Variants in ATF1 observed in about 807,000 individuals in gnomAD.
ATF1 encodes the protein cyclic AMP-dependent transcription factor ATF-1.
In ATF1, 16 loss-of-function variants were observed where a neutral mutation model predicts 34.7. That is an observed-to-expected ratio of 0.46 (90% CI 0.31 to 0.70). The LOEUF is 0.70. Among genes scored for constraint, ATF1 ranks in the 30% least tolerant of loss-of-function variants. The pLI, the probability that ATF1 is intolerant of heterozygous loss-of-function variation, is 0.05. For missense variants in ATF1, 255 were observed against 321.6 expected, an observed-to-expected ratio of 0.79 and a Z score of 1.58; for synonymous variants, 105 against 113.1, an observed-to-expected ratio of 0.93 and a Z score of 0.46.
intron 3 of ATF1, among the ~76,000 whole-genome samples, chr12:50,806,115 A>T (rs1941611181): frequency 6.6e-6 from 1 of 151,462 alleles, no homozygotes; most frequent in South Asian, 2.1e-4. Context: ...TGCACCACTG[A>T]CTCCAGCTTG....
chr12:50,773,444 C>CTTTTTTTTTTTTTTTTTTTTTTTTT (rs71086476), intron 1 of ATF1, among the ~76,000 whole-genome samples: 7 of 89,568 alleles, frequency 7.8e-5, no homozygotes, highest in Non-Finnish European at 1.0e-4. Context: ...AATTGCCATT[C>CTTTTTTTTTTTTTTTTTTTTTTTTT]TTTTTTTTTT....
chr12:50,804,503 A>G (rs1941575810), intron 3 of ATF1, among the ~76,000 whole-genome samples: 1 of 152,172 alleles, frequency 6.6e-6, no homozygotes, highest in South Asian at 2.1e-4. Context: ...AGGGCAACAT[A>G]GTGAGACCCT....
At chr12:50,788,167 TTAAC>T in intron 2 of ATF1, 1 of 447,456 alleles carries the variant, frequency 2.2e-6, no homozygotes, top group Non-Finnish European at 4.5e-6. Context: ...GGAATAAAAA[TTAAC>T]TATTTTATAG....
chr12:50,778,910 G>GC (rs1324996288), intron 1 of ATF1, among the ~76,000 whole-genome samples: 5 of 152,256 alleles, frequency 3.3e-5, no homozygotes, highest in Non-Finnish European at 7.4e-5. Flanking sequence ...TTAAACAGCA[G>GC]CTCTCCATTT....
chr12:50,773,931 G>A lies in ATF1; in HGVS notation c.-6-6209G>A, dbSNP rs147201867. Among the ~76,000 whole-genome samples, 236 of 152,140 alleles carry A rather than the reference G, an allele frequency of 1.6e-3. 4 individuals are homozygous for A. In the East Asian group the frequency reaches 0.04, roughly 26 times the overall value. ...CTGACGTGAGATGGTATCTCATTGC[G>A]GTTTTGATTTACATTTCTCTAATGA... On this transcript the variant is annotated intron_variant, in intron 1 of 6. Coordinates refer to ENST00000262053, the MANE Select transcript of ATF1 (RefSeq NM_005171.5).
intron 1 of ATF1, among the ~76,000 whole-genome samples, chr12:50,764,964 C>T (rs925468720): frequency 5.3e-5 from 8 of 152,222 alleles, no homozygotes; most frequent in African/African-American, 1.9e-4. Flanking sequence ...ATGGGCGACC[C>T]AGCCGAGGGT....
intron 1 of ATF1, among the ~76,000 whole-genome samples, chr12:50,774,756 T>TTC (rs1370856137): frequency 6.6e-6 from 1 of 151,508 alleles, no homozygotes; most frequent in East Asian, 1.9e-4. Flanking sequence ...GTTTTTGTTT[T>TTC]TTTTTTTTTG....
rs890001246 is a variant in ATF1, at chr12:50,805,483, G to C, written c.195-3973G>C. On this transcript the variant is annotated intron_variant, in intron 3 of 6. Coordinates refer to ENST00000262053, the MANE Select transcript of ATF1 (RefSeq NM_005171.5). ...TGAGGTGGGAGGATCACTTGAGCCT[G>C]GGAGATCAAGGCTGCAGTGAGCCGT... Among the ~76,000 whole-genome samples, 3 of 151,164 alleles carry C rather than the reference G, an allele frequency of 2.0e-5. No homozygotes were observed. The East Asian group carries it at 5.9e-4, about 30-fold the overall frequency.
intron 3 of ATF1, among the ~76,000 whole-genome samples, chr12:50,801,478 C>T (rs557139120): frequency 6.6e-6 from 1 of 152,038 alleles, no homozygotes; most frequent in African/African-American, 2.4e-5. Flanking sequence ...GGAAGATCAG[C>T]CAATACTGAA....
At chr12:50,773,601 T>TC (rs1940836588) in intron 1 of ATF1, among the ~76,000 whole-genome samples, 1 of 151,846 alleles carries the variant, frequency 6.6e-6, no homozygotes, top group Non-Finnish European at 1.5e-5. Flanking sequence ...ATTTTTTTTT[T>TC]TCTTGAGACT....
intron 4 of ATF1, among the ~76,000 whole-genome samples, chr12:50,813,112 C>G (rs1259377292): frequency 6.6e-6 from 1 of 152,152 alleles, no homozygotes; most frequent in Non-Finnish European, 1.5e-5. Flanking sequence ...TCTATTTGAT[C>G]ATGCCTTATG....
chr12:50,770,962 AGTTT>A (rs897934770), intron 1 of ATF1, among the ~76,000 whole-genome samples: 29 of 152,144 alleles, frequency 1.9e-4, no homozygotes, highest in African/African-American at 6.5e-4. Context: ...CTTCTAATTT[AGTTT>A]ATTTGGAATA....
chr12:50,769,318 A>G (rs144521678), intron 1 of ATF1, among the ~76,000 whole-genome samples: 294 of 152,282 alleles, frequency 1.9e-3, no homozygotes, highest in African/African-American at 6.9e-3. Context: ...CAGTCTGGCC[A>G]ACATGGTGAA....
At position 50,819,774 on chromosome 12, in the gene ATF1, G is replaced by T; in HGVS notation, c.811G>T (p.Val271Phe). Residue 271 changes from valine to phenylalanine, a missense_variant, in exon 7 of 7, where the codon GTT (valine) becomes TTT (phenylalanine). Val to Phe is a conservative substitution (Grantham distance 50, BLOSUM62 -1). This residue lies in a region of ATF1 where 34 missense variants were observed against 70.8 expected (regional missense o/e 0.48). Coordinates refer to ENST00000262053, the MANE Select transcript of ATF1 (RefSeq NM_005171.5). ...TLKDLYSNKS[V>F] The stretch of plus-strand genomic sequence containing the variant: ...GAAGGATCTTTATTCCAATAAAAGT[G>T]TTTGATTCCTAAGAAAGAAAATATT... 8 of 1,526,740 alleles carry T rather than the reference G, an allele frequency of 5.2e-6. No individual in the cohort carries two copies. Among genetic ancestry groups the T allele is most frequent in the Non-Finnish European group, 7.1e-6 (8 of 1,124,738 alleles). 94.6% of individuals were successfully genotyped at this position (1,526,740 alleles called of 1,614,324 possible).
chr12:50,798,162 AAAAG>A (rs1322594755), intron 3 of ATF1, among the ~76,000 whole-genome samples: 8 of 152,050 alleles, frequency 5.3e-5, no homozygotes, highest in Non-Finnish European at 1.0e-4. Context: ...AAAAAAAGAA[AAAAG>A]AAACTACTTA....
At chr12:50,810,971 C>T (rs962629354) in intron 4 of ATF1, among the ~76,000 whole-genome samples, 3 of 152,078 alleles carry the variant, frequency 2.0e-5, no homozygotes, top group South Asian at 2.1e-4. Context: ...GAATAAAATC[C>T]GGATCTTACA....
chr12:50,811,231 C>G (rs1379045128), intron 4 of ATF1, among the ~76,000 whole-genome samples: 2 of 152,174 alleles, frequency 1.3e-5, no homozygotes, highest in Non-Finnish European at 2.9e-5. Context: ...CTTTAGTTTC[C>G]CTTAACCTCC....
intron 3 of ATF1, among the ~76,000 whole-genome samples, chr12:50,807,924 C>A (rs1020966818): frequency 1.3e-5 from 2 of 151,946 alleles, no homozygotes; most frequent in African/African-American, 4.8e-5. Flanking sequence ...ATTCTCCTGC[C>A]TCAGCCTCCC....
chr12:50,772,278 A>G (rs1940791027), intron 1 of ATF1, among the ~76,000 whole-genome samples: 2 of 147,360 alleles, frequency 1.4e-5, no homozygotes. Flanking sequence ...GCACTTGGCT[A>G]TATTTTTGCA....
Sources: allele counts gnomAD v4.1 joint callset (sites outside exome capture counted in the v4.1 genomes callset), GRCh38; gene constraint gnomAD v4.1.1; regional missense constraint gnomAD v4.1.1; transcripts MANE v1.5; gene names NCBI Gene and HGNC (gene_info 2026-07-23, HGNC 2026-07-21).